Variants in PPFIBP2 observed in about 807,000 individuals in gnomAD.
PPFIBP2 encodes liprin-beta-2.
A neutral mutation model predicts 118.3 loss-of-function variants in PPFIBP2; 118 were observed. The observed-to-expected ratio is 1.00, with a 90% CI of 0.86 to 1.16. The LOEUF is 1.16. Among genes scored for constraint, PPFIBP2 ranks in the 50% most tolerant of loss-of-function variants. PPFIBP2 has a pLI of 0.00. For missense variants in PPFIBP2, 1,195 were observed against 1,073.1 expected (o/e 1.11, Z -1.59); for synonymous variants, 414 against 397.4 (o/e 1.04, Z -0.50).
In PPFIBP2 at chr11:7,574,248, C is replaced by T. The variant is rs926300487; in HGVS notation, c.279+8481C>T. The stretch of plus-strand genomic sequence containing the variant: ...AGCAAAGTACTTCCAGGAAGGCCTT[C>T]GGGACTGTTAGGTCACTGTAGTGAC... On this transcript the variant is annotated intron_variant, in intron 3 of 23. Coordinates refer to ENST00000299492, the MANE Select transcript of PPFIBP2 (RefSeq NM_003621.5). Among the ~76,000 whole-genome samples the T allele has an allele frequency of 2.0e-4, 31 of 152,142 alleles. 1 individual carries two copies. Among genetic ancestry groups the T allele is most frequent in the African/African-American group, 7.2e-4 (30 of 41,432 alleles).
intron 17 of PPFIBP2, among the ~76,000 whole-genome samples, chr11:7,647,092 A>C (rs929992672): frequency 6.6e-6 from 1 of 152,202 alleles, no homozygotes; most frequent in Non-Finnish European, 1.5e-5. Flanking sequence ...ATTTGATCTA[A>C]AATGGGGCAT....
chr11:7,597,919 TC>T, intron 5 of PPFIBP2: 1 of 423,620 alleles, frequency 2.4e-6, no homozygotes, highest in Non-Finnish European at 4.3e-6. Flanking sequence ...TTAGACAGAT[TC>T]CCAGACAGCA....
chr11:7,651,228 C>A, intron 22 of PPFIBP2: 1 of 369,708 alleles, frequency 2.7e-6, no homozygotes, highest in Non-Finnish European at 4.8e-6. Flanking sequence ...GAGACCAACG[C>A]TTACAAGGCG....
chr11:7,637,020 C>A (rs1013213291), intron 14 of PPFIBP2, among the ~76,000 whole-genome samples: 2 of 152,172 alleles, frequency 1.3e-5, no homozygotes, highest in African/African-American at 4.8e-5. Context: ...GCTGTGTGAG[C>A]TTCTCTAAAA....
intron 1 of PPFIBP2, among the ~76,000 whole-genome samples, chr11:7,531,442 G>A (rs1326212980): frequency 3.3e-5 from 5 of 152,160 alleles, no homozygotes; most frequent in African/African-American, 4.8e-5. Context: ...AAATGGTCTC[G>A]GTCCAGAGGT....
chr11:7,665,831 G>T, the PPFIBP2 span: 6 of 1,533,736 alleles, frequency 3.9e-6, no homozygotes, highest in African/African-American at 8.2e-5. Flanking sequence ...GTATACCGAG[G>T]TGTGTGAATC....
intron 13 of PPFIBP2, among the ~76,000 whole-genome samples, chr11:7,634,995 A>AT (rs1405644265): frequency 6.6e-6 from 1 of 152,118 alleles, no homozygotes; most frequent in Non-Finnish European, 1.5e-5. Flanking sequence ...CCAAGGAAAG[A>AT]TGTGGGATCG....
chr11:7,660,217 G>C (rs1361662785), downstream of PPFIBP2, among the ~76,000 whole-genome samples: 2 of 127,676 alleles, frequency 1.6e-5, no homozygotes, highest in African/African-American at 5.1e-5. Context: ...GGGCATCCCT[G>C]TCTTGTGCCC....
At position 7,653,050 on chromosome 11, in the gene PPFIBP2, C is replaced by T. The variant is rs199741061; in HGVS notation, c.2463C>T (p.Phe821=). The T allele has an allele frequency of 3.1e-6, 5 of 1,612,676 alleles. No homozygotes were observed. Among genetic ancestry groups the T allele is most frequent in the East Asian group, 2.2e-5 (1 of 44,862 alleles). The change falls in exon 24 of 24, where the codon TTC becomes TTT. Residue 821 remains phenylalanine (F), a synonymous_variant. Transcript: ENST00000299492. ...VRPRKLGFSH[F]GNIRKKKFDE... is the part of the protein sequence containing the mutation. ...CAAGGAAACTAGGATTTTCACACTTCGGAAACATAAGAAAAAAGAAGTTCG... is the reference window on the plus strand; with the variant it reads ...CAAGGAAACTAGGATTTTCACACTTTGGAAACATAAGAAAAAAGAAGTTCG...
At chr11:7,580,289 C>G (rs1449913854) in intron 3 of PPFIBP2, among the ~76,000 whole-genome samples, 1 of 152,230 alleles carries the variant, frequency 6.6e-6, no homozygotes, top group Non-Finnish European at 1.5e-5. Context: ...AGGTCTGCAG[C>G]ACTTCCCATC....
chr11:7,659,154 T>A (rs1205221149), downstream of PPFIBP2, among the ~76,000 whole-genome samples: 3 of 150,056 alleles, frequency 2.0e-5, no homozygotes, highest in African/African-American at 7.5e-5. Flanking sequence ...TTTAATTAGA[T>A]CCCATTTGTC....
intron 7 of PPFIBP2, among the ~76,000 whole-genome samples, chr11:7,624,166 C>T (rs897113545): frequency 7.9e-5 from 12 of 152,208 alleles, no homozygotes; most frequent in Admixed American, 5.2e-4. Flanking sequence ...GAGTGGCCTT[C>T]ATCTGTCCTG....
intron 3 of PPFIBP2, among the ~76,000 whole-genome samples, chr11:7,570,358 A>G (rs1248266919): frequency 6.6e-6 from 1 of 152,216 alleles, no homozygotes; most frequent in Non-Finnish European, 1.5e-5. Flanking sequence ...GAGTCTCCAT[A>G]TGAAGTAGCC....
intron 14 of PPFIBP2, among the ~76,000 whole-genome samples, chr11:7,635,890 C>G (rs929306983): frequency 1.6e-4 from 24 of 152,108 alleles, no homozygotes; most frequent in Non-Finnish European, 1.5e-5. Context: ...AAGGGGATTG[C>G]TACGATCTCA....
In PPFIBP2 at chr11:7,565,608, C is replaced by A. The variant is rs771070205; in HGVS notation, c.120C>A (p.Ser40=). 1.9e-6 allele frequency: 3 copies of A among 1,614,214 alleles called. No homozygotes were observed. Among genetic ancestry groups the A allele is most frequent in the Non-Finnish European group, 2.5e-6 (3 of 1,180,030 alleles). The part of the protein sequence containing the change: ...SDGTCEPGLA[S]PASYMNPFPV... The stretch of plus-strand genomic sequence containing the variant: ...GTACTTGTGAGCCTGGACTGGCTTC[C>A]CCGGCCTCCTACATGAACCCCTTCC... Residue 40 remains serine (S), a synonymous_variant, in exon 3 of 24, where the codon TCC becomes TCA. Transcript: ENST00000299492.
chr11:7,584,897 A>G (rs578213860), intron 3 of PPFIBP2, among the ~76,000 whole-genome samples: 4 of 152,286 alleles, frequency 2.6e-5, no homozygotes, highest in African/African-American at 9.6e-5. Flanking sequence ...TTCACTTGTA[A>G]CTAGTTTTCT....
chr11:7,612,462 G>A (rs1406809907), intron 6 of PPFIBP2, among the ~76,000 whole-genome samples: 1 of 152,240 alleles, frequency 6.6e-6, no homozygotes, highest in African/African-American at 2.4e-5. Context: ...TACAGAGTTA[G>A]CACCAAGCTA....
downstream of PPFIBP2, chr11:7,656,846 A>G (rs567012301): frequency 8.7e-6 from 11 of 1,263,894 alleles, no homozygotes; most frequent in East Asian, 5.6e-4. Context: ...GGGGCCCCGG[A>G]GCCTTTGCTT....
intron 11 of PPFIBP2, 23 bp downstream of exon 11, chr11:7,631,051 G>T (rs369137568): frequency 2.5e-6 from 4 of 1,588,274 alleles, no homozygotes; most frequent in South Asian, 2.2e-5. Flanking sequence ...CATCCATGAC[G>T]TAGGGTTTCA....
Sources: gnomAD v4.1 joint callset for allele counts (sites outside exome capture counted in the v4.1 genomes callset) on GRCh38, gnomAD v4.1.1 for gene constraint, MANE v1.5 for transcripts, NCBI Gene and HGNC (gene_info 2026-07-23, HGNC 2026-07-21) for gene names.